NWD2: variants seen among roughly 807,000 people sequenced by gnomAD.
NWD2 encodes NACHT and WD repeat domain containing 2.
In NWD2, 37 loss-of-function variants were observed where a neutral mutation model predicts 132.7. The observed-to-expected ratio is 0.28, with a 90% confidence interval of 0.21 to 0.37. The LOEUF is 0.37. NWD2 is among the 10% of genes least tolerant of loss of function. NWD2 has a pLI of 1.00. For missense variants in NWD2, 1,592 were observed against 2,122.4 expected, an observed-to-expected ratio of 0.75 and a Z score of 4.91; for synonymous variants, 705 against 803.0, an observed-to-expected ratio of 0.88 and a Z score of 2.06.
intron 2 of NWD2, 75 bp downstream of exon 2, chr4:37,326,099 G>A (rs968471478): frequency 8.0e-6 from 8 of 998,888 alleles, no homozygotes; most frequent in Non-Finnish European, 1.2e-5. Flanking sequence ...CACAACTTGA[G>A]TGTTGTAAAA....
At chr4:37,431,268 AAAGAT>A (rs1190348634) in intron 4 of NWD2, among the ~76,000 whole-genome samples, 2 of 152,236 alleles carry the variant, frequency 1.3e-5, no homozygotes, top group Non-Finnish European at 2.9e-5. Flanking sequence ...CAGCAAATGA[AAAGAT>A]AAAGAAAATG....
intron 3 of NWD2, among the ~76,000 whole-genome samples, chr4:37,406,880 G>A (rs1721053240): frequency 6.6e-6 from 1 of 152,100 alleles, no homozygotes; most frequent in South Asian, 2.1e-4. Context: ...TGAGCAACAA[G>A]AGCAAAACTC....
intron 1 of NWD2, among the ~76,000 whole-genome samples, chr4:37,297,106 T>G (rs1718510882): frequency 6.6e-6 from 1 of 152,148 alleles, no homozygotes; most frequent in Non-Finnish European, 1.5e-5. Flanking sequence ...TGTGTGTATA[T>G]CACACACAGT....
At chr4:37,345,926 C>T (rs1319877502) in intron 2 of NWD2, among the ~76,000 whole-genome samples, 3 of 151,880 alleles carry the variant, frequency 2.0e-5, no homozygotes, top group Non-Finnish European at 4.4e-5. Context: ...ACTAAAAATA[C>T]AAAAATTAGC....
intron 3 of NWD2, among the ~76,000 whole-genome samples, chr4:37,377,171 C>T (rs1720363580): frequency 6.6e-6 from 1 of 152,172 alleles, no homozygotes; most frequent in Non-Finnish European, 1.5e-5. Flanking sequence ...AACTCAATGG[C>T]AGATGCAAGA....
chr4:37,329,364 G>A (rs147941950), intron 2 of NWD2, among the ~76,000 whole-genome samples: 53 of 152,216 alleles, frequency 3.5e-4, no homozygotes, highest in South Asian at 1.0e-3. Flanking sequence ...TAAATGCTTC[G>A]GTTTTAAAAA....
intron 3 of NWD2, among the ~76,000 whole-genome samples, chr4:37,393,741 G>A (rs1464104723): frequency 2.0e-5 from 3 of 152,176 alleles, no homozygotes; most frequent in Non-Finnish European, 2.9e-5. Flanking sequence ...AGCTCCTGAT[G>A]TAACACGGAC....
intron 1 of NWD2, among the ~76,000 whole-genome samples, chr4:37,313,647 G>C (rs1718898189): frequency 6.6e-6 from 1 of 150,974 alleles, no homozygotes; most frequent in Non-Finnish European, 1.5e-5. Flanking sequence ...TATTTATCAA[G>C]TTGAGGAAGT....
chr4:37,309,636 C>G (rs571684054), intron 1 of NWD2, among the ~76,000 whole-genome samples: 1 of 152,292 alleles, frequency 6.6e-6, no homozygotes, highest in South Asian at 2.1e-4. Context: ...CCTCCCTACA[C>G]TAGTCTCAAA....
chr4:37,383,513 A>G (rs1720501143), intron 3 of NWD2, among the ~76,000 whole-genome samples: 1 of 152,168 alleles, frequency 6.6e-6, no homozygotes, highest in Non-Finnish European at 1.5e-5. Context: ...CTGTTCACAT[A>G]GAATATGTCT....
At chr4:37,380,998 C>CT (rs913085889) in intron 3 of NWD2, among the ~76,000 whole-genome samples, 12 of 152,046 alleles carry the variant, frequency 7.9e-5, no homozygotes, top group African/African-American at 2.9e-4. Context: ...AAAATCTCAC[C>CT]TTTTTTATGA....
At chr4:37,309,618 A>T (rs920231963) in intron 1 of NWD2, among the ~76,000 whole-genome samples, 11 of 151,990 alleles carry the variant, frequency 7.2e-5, no homozygotes, top group African/African-American at 2.7e-4. Context: ...GGAACTCAGC[A>T]TGAGTTCCCT....
chr4:37,305,666 G>A lies in NWD2; in HGVS notation c.152-20270G>A, dbSNP rs565888892. ...GTGTTGAAACATCCTTGCATCCTTG[G>A]GATAAATCCTAGTTGACTGTGGTAT... On this transcript the variant is annotated intron_variant, in intron 1 of 6. Coordinates refer to ENST00000309447, the MANE Select transcript of NWD2 (RefSeq NM_001144990.2). Among the ~76,000 whole-genome samples the A allele has an allele frequency of 3.3e-5, 5 of 152,200 alleles. No individual in the cohort carries two copies. In the South Asian group the frequency reaches 1.0e-3, roughly 32 times the overall value.
chr4:37,351,919 C>T (rs932800178), intron 2 of NWD2, among the ~76,000 whole-genome samples: 1 of 152,128 alleles, frequency 6.6e-6, no homozygotes, highest in Non-Finnish European at 1.5e-5. Context: ...TTATTTCTGC[C>T]TTCATTTCAT....
intron 2 of NWD2, among the ~76,000 whole-genome samples, chr4:37,349,812 GT>G (rs1288931593): frequency 6.6e-6 from 1 of 152,148 alleles, no homozygotes; most frequent in Non-Finnish European, 1.5e-5. Flanking sequence ...AGTTCTTATG[GT>G]TTTAGGTCTT....
At chr4:37,262,494 T>TG (rs760421499) in intron 1 of NWD2, among the ~76,000 whole-genome samples, 15 of 152,212 alleles carry the variant, frequency 9.9e-5, no homozygotes, top group African/African-American at 3.1e-4. Flanking sequence ...CCGGTATTCT[T>TG]GGGAAAAAAA....
chr4:37,427,828 A>G (rs1488926174), intron 3 of NWD2, among the ~76,000 whole-genome samples: 1 of 148,508 alleles, frequency 6.7e-6, no homozygotes, highest in Non-Finnish European at 1.5e-5. Context: ...GAGAGAGGAC[A>G]TGGTCCAACC....
intron 5 of NWD2, among the ~76,000 whole-genome samples, chr4:37,434,623 T>C (rs977518821): frequency 3.3e-5 from 5 of 152,094 alleles, no homozygotes; most frequent in Non-Finnish European, 5.9e-5. Context: ...GAGAGGACTT[T>C]GGACCTGAAT....
intron 1 of NWD2, among the ~76,000 whole-genome samples, chr4:37,289,149 C>T (rs1718307536): frequency 6.6e-6 from 1 of 152,198 alleles, no homozygotes; most frequent in Admixed American, 6.5e-5. Flanking sequence ...CTCCTAACCT[C>T]TAATTCAAGC....
Sources: allele counts gnomAD v4.1 joint callset (sites outside exome capture counted in the v4.1 genomes callset), GRCh38; gene constraint gnomAD v4.1.1; transcripts MANE v1.5; gene names NCBI Gene and HGNC (gene_info 2026-07-23, HGNC 2026-07-21).